The following ALS2 variants were observed in gnomAD, a reference collection of about 807,000 sequenced individuals.
The protein encoded by ALS2 is alsin Rho guanine nucleotide exchange factor ALS2.
In ALS2, 117 loss-of-function variants were observed where a neutral mutation model predicts 203.4. That is an observed-to-expected ratio of 0.58 (90% CI 0.50 to 0.67). The LOEUF is 0.67. Among genes scored for constraint, ALS2 ranks in the 30% least tolerant of loss-of-function variants. ALS2 has a pLI of 0.00. For synonymous variants in ALS2, 718 were observed against 725.9 expected, an observed-to-expected ratio of 0.99 and a Z score of 0.17; for missense variants, 1,715 against 1,989.4, an observed-to-expected ratio of 0.86 and a Z score of 2.62.
At position 201,760,997 on chromosome 2, in the gene ALS2, C is replaced by A. The variant is rs777806515; in HGVS notation, c.997G>T (p.Ala333Ser). ...NVMGTTEISS[A>S]RNIPSYPDTQ... ...TCAGGGTATGATGGTATGTTTCTGG[C>A]AGAGGAAATTTCAGTTGTTCCCATG... Residue 333 changes from alanine (A) to serine (S), a missense_variant, in exon 4 of 34, where the codon GCC (alanine) becomes TCC (serine). Physicochemically the swap from Ala to Ser is moderately conservative, Grantham distance 99. Coordinates refer to ENST00000264276, the MANE Select transcript of ALS2 (RefSeq NM_020919.4). 51 of 1,614,002 alleles carry A rather than the reference C, an allele frequency of 3.2e-5. No homozygotes were observed. The highest frequency in any genetic ancestry group is 1.6e-4 in the Middle Eastern group (1 of 6,084).
At chr2:201,745,121 A>G (rs1349289227) in intron 9 of ALS2, among the ~76,000 whole-genome samples, 1 of 152,258 alleles carries the variant, frequency 6.6e-6, no homozygotes, top group African/African-American at 2.4e-5. Flanking sequence ...AGCCTATTTG[A>G]TCGTCTATCT....
intron 32 of ALS2, 42 bp downstream of exon 32, chr2:201,704,411 TA>T: frequency 6.2e-7 from 1 of 1,609,114 alleles, no homozygotes; most frequent in Non-Finnish European, 8.5e-7. Context: ...AGCAGACTTT[TA>T]AAAATAACGA....
Position 201,753,255 on chromosome 2 carries a change from C to T in ALS2, c.1641-13G>A. ...CAACGGTTGAAGCCTTAAAAAGAAA[C>T]ACACAGGCACACAAAGTCAAAGTAT... is the stretch of plus-strand genomic sequence containing the variant. On this transcript the variant is annotated splice_polypyrimidine_tract_variant and intron_variant, in intron 6 of 33. Coordinates refer to ENST00000264276, the MANE Select transcript of ALS2 (RefSeq NM_020919.4). 6.3e-7 allele frequency: 1 copy of T among 1,597,942 alleles called. No individual in the cohort carries two copies. The highest frequency in any genetic ancestry group is 8.6e-7 in the Non-Finnish European group (1 of 1,165,308).
In ALS2 at chr2:201,761,319, C is replaced by T. The variant is rs1373388039; in HGVS notation, c.675G>A (p.Leu225=). ...ALVQCLPSQD[L]KPVPERCNQC... ...GGTTGCATCGTTCTGGGACTGGCTT[C>T]AGATCCTGGGAAGGGAGGCATTGTA... Residue 225 remains leucine, a synonymous_variant, in exon 4 of 34, where the codon CTG becomes CTA. Coordinates refer to ENST00000264276, the MANE Select transcript of ALS2 (RefSeq NM_020919.4). The T allele has an allele frequency of 2.5e-6, 4 of 1,614,126 alleles. No individual in the cohort carries two copies. Among genetic ancestry groups the T allele is most frequent in the Non-Finnish European group, 3.4e-6 (4 of 1,180,022 alleles).
At position 201,704,600 on chromosome 2, in the gene ALS2, T is replaced by G; in HGVS notation, c.4692A>C (p.Thr1564=). The change falls in exon 32 of 34, where the codon ACA becomes ACC. Residue 1564 remains threonine, a synonymous_variant. Transcript: ENST00000264276. ...SAVECLQQIS[T]TFTPSDKLKV... ...TAAGTTTGTCTGATGGGGTAAATGTTGTGCTGTTACAGAAACAATGACAAA... is the reference window on the plus strand; with the variant it reads ...TAAGTTTGTCTGATGGGGTAAATGTGGTGCTGTTACAGAAACAATGACAAA... The G allele has an allele frequency of 6.2e-7, 1 of 1,614,138 alleles. No homozygotes were observed. Among genetic ancestry groups the G allele is most frequent in the Non-Finnish European group, 8.5e-7 (1 of 1,180,002 alleles).
At chr2:201,704,698 C>T in intron 31 of ALS2, 95 bp from the exon 32 acceptor site, 1 of 1,395,650 alleles carries the variant, frequency 7.2e-7, no homozygotes, top group Non-Finnish European at 1.0e-6. Context: ...CTGGGATTCA[C>T]ATGCCTTAAC....
At chr2:201,756,355 G>C (rs1036263594) in intron 5 of ALS2, among the ~76,000 whole-genome samples, 2 of 151,654 alleles carry the variant, frequency 1.3e-5, no homozygotes, top group African/African-American at 4.8e-5. Context: ...AGTTTTATTT[G>C]TGTAGAGGAA....
At chr2:201,740,388 G>C (rs1414319047) in intron 11 of ALS2, among the ~76,000 whole-genome samples, 1 of 152,032 alleles carries the variant, frequency 6.6e-6, no homozygotes, top group Non-Finnish European at 1.5e-5. Flanking sequence ...GGAATAACCT[G>C]TTATGTTAAA....
chr2:201,723,538 G>A (rs534007237), intron 21 of ALS2, 97 bp from the exon 22 acceptor site: 1 of 1,030,398 alleles, frequency 9.7e-7, no homozygotes, highest in South Asian at 1.3e-5. Context: ...ATCAACCCTA[G>A]GTTGGTATTG....
chr2:201,770,290 T>C (rs1015721915), intron 1 of ALS2, among the ~76,000 whole-genome samples: 4 of 152,164 alleles, frequency 2.6e-5, no homozygotes, highest in Non-Finnish European at 5.9e-5. Context: ...TGACACACTA[T>C]ATGTAAACGG....
At chr2:201,713,393 A>G (rs1423657638) in intron 25 of ALS2, among the ~76,000 whole-genome samples, 1 of 152,082 alleles carries the variant, frequency 6.6e-6, no homozygotes, top group Non-Finnish European at 1.5e-5. Context: ...AAGTGCTGGG[A>G]TTACAGGTGC....
intron 5 of ALS2, 87 bp from the exon 6 acceptor site, chr2:201,754,758 A>G: frequency 1.4e-6 from 2 of 1,404,740 alleles, no homozygotes; most frequent in Non-Finnish European, 2.0e-6. Context: ...GATTTTCAAA[A>G]ACATACGCCA....
At chr2:201,718,307 T>C (rs974332440) in intron 23 of ALS2, 97 bp from the exon 24 acceptor site, 6 of 1,352,628 alleles carry the variant, frequency 4.4e-6, no homozygotes, top group Middle Eastern at 1.8e-4. Context: ...TTGCCCAGGC[T>C]GGAGTGCAGT....
chr2:201,768,865 C>T lies in ALS2; in HGVS notation c.20+1G>A. Reference sequence around the variant, plus strand: ...AAGAGAAAAGGAAGAAATGATTTTACCTTCTCTTCTTTGAGTCCATCGGTC... The same window carrying T: ...AAGAGAAAAGGAAGAAATGATTTTATCTTCTCTTCTTTGAGTCCATCGGTC... On this transcript the variant is annotated splice_donor_variant, in intron 2 of 33. Coordinates refer to ENST00000264276, the MANE Select transcript of ALS2 (RefSeq NM_020919.4). LOFTEE classifies it high-confidence loss of function. The T allele has an allele frequency of 1.2e-6, 2 of 1,613,250 alleles. No homozygotes were observed. The highest frequency in any genetic ancestry group is 1.7e-6 in the Non-Finnish European group (2 of 1,179,392).
chr2:201,728,553 T>G lies in ALS2; in HGVS notation c.2800A>C (p.Asn934His). ...SLQHAGRFSV[N>H]WFILFNDALV... ...GCATCATTAAAGAGAATGAACCAAT[T>G]CACGGAAAACCTCCCAGCATGCTGC... The change falls in exon 15 of 34, where the codon AAT (asparagine) becomes CAT (histidine). Residue 934 changes from asparagine (N) to histidine (H), a missense_variant. By Grantham distance (68) the Asn-to-His change is moderately conservative. Around this residue, in one of 3 missense-constraint regions of ALS2, gnomAD observed 1,227 missense variants for 1,413.5 expected, o/e 0.87. Coordinates refer to ENST00000264276, the MANE Select transcript of ALS2 (RefSeq NM_020919.4). 1.2e-6 allele frequency: 2 copies of G among 1,614,034 alleles called. No individual in the cohort carries two copies. The highest frequency in any genetic ancestry group is 1.7e-6 in the Non-Finnish European group (2 of 1,179,996).
At chr2:201,704,431 T>C (rs779872914) in intron 32 of ALS2, 23 bp downstream of exon 32, 1 of 1,613,828 alleles carries the variant, frequency 6.2e-7, no homozygotes, top group Non-Finnish European at 8.5e-7. Context: ...GACTCACTAA[T>C]AACAAAGTCA....
chr2:201,733,134 T>C (rs551220570), intron 13 of ALS2, 142 bp downstream of exon 13: 9 of 953,400 alleles, frequency 9.4e-6, no homozygotes, highest in African/African-American at 5.0e-5. Flanking sequence ...CCTCTGTCAT[T>C]TCCCTGAAGA....
At chr2:201,765,684 T>C (rs1048729675) in intron 3 of ALS2, 12 of 167,138 alleles carry the variant, frequency 7.2e-5, no homozygotes, top group African/African-American at 1.7e-4. Context: ...GTGAAGTAGA[T>C]GGCAATTGGT....
At chr2:201,702,872 T>C (rs1442750879) in intron 33 of ALS2, among the ~76,000 whole-genome samples, 1 of 152,236 alleles carries the variant, frequency 6.6e-6, no homozygotes, top group African/African-American at 2.4e-5. Context: ...TCCCAGCGTT[T>C]TGGGAGGCCA....
Sources: allele counts gnomAD v4.1 joint callset (sites outside exome capture counted in the v4.1 genomes callset), GRCh38; gene constraint gnomAD v4.1.1; regional missense constraint gnomAD v4.1.1; transcripts MANE v1.5; gene names NCBI Gene and HGNC (gene_info 2026-07-23, HGNC 2026-07-21).